Variants in MYO18B observed in about 807,000 individuals in gnomAD.
MYO18B encodes the protein unconventional myosin-XVIIIb.
Under a neutral mutation model 273.0 loss-of-function variants are expected in MYO18B, and 204 were observed. The observed-to-expected ratio is 0.75, with a 90% CI of 0.67 to 0.84. The LOEUF is 0.84. Ranked by LOEUF, MYO18B falls within the 40% of genes least tolerant of loss-of-function variation. The pLI is 0.00. For synonymous variants in MYO18B, 1,330 were observed against 1,305.7 expected (o/e 1.02, Z -0.40); for missense variants, 3,212 against 3,287.6 (o/e 0.98, Z 0.56).
intron 11 of MYO18B, among the ~76,000 whole-genome samples, chr22:25,787,270 GCGCA>G (rs1190541745): frequency 7.0e-5 from 3 of 42,624 alleles, no homozygotes; most frequent in African/African-American, 2.8e-4. Context: ...GTGCAGGCGC[GCGCA>G]CACACACACA....
chr22:25,808,163 A>G (rs2088570647), intron 12 of MYO18B, among the ~76,000 whole-genome samples: 2 of 152,014 alleles, frequency 1.3e-5, no homozygotes, highest in Non-Finnish European at 2.9e-5. Context: ...GATGAACTCT[A>G]TGTCCTCTTT....
chr22:25,886,472 A>G (rs894747876), intron 25 of MYO18B, among the ~76,000 whole-genome samples: 3 of 152,146 alleles, frequency 2.0e-5, no homozygotes, highest in African/African-American at 7.2e-5. Context: ...CCCTGTATCT[A>G]CTGCCTCATT....
In MYO18B at chr22:25,999,427, A is replaced by T. The variant is rs115592384; in HGVS notation, c.6288-3838A>T. On this transcript the variant is annotated intron_variant, in intron 40 of 43. Transcript: ENST00000335473. Reference sequence around the variant, plus strand: ...TGTCTGGCAAAGACTGACCCTAAAGAAGTACAGCTGAAGACATTGAATTAA... The same window carrying T: ...TGTCTGGCAAAGACTGACCCTAAAGTAGTACAGCTGAAGACATTGAATTAA... Among the ~76,000 whole-genome samples the T allele has an allele frequency of 9.8e-3, 1,484 of 152,196 alleles. 26 individuals are homozygous for T. Among genetic ancestry groups the T allele is most frequent in the African/African-American group, 0.034 (1,407 of 41,516 alleles).
In MYO18B at chr22:25,843,822, C is replaced by A. The variant is rs147821283; in HGVS notation, c.3296C>A (p.Thr1099Lys). 1.9e-6 allele frequency: 3 copies of A among 1,613,802 alleles called. No individual in the cohort carries two copies. The highest frequency in any genetic ancestry group is 1.3e-5 in the African/African-American group (1 of 75,062). Residue 1099 changes from threonine to lysine, a missense_variant, in exon 18 of 44, where the codon ACG (threonine) becomes AAG (lysine). Thr to Lys is a moderately conservative substitution (Grantham distance 78). Transcript: ENST00000335473. ...TGGGACCCTGTGCGGTACGACCTCA[C>A]GGGCTGGCTCCACAGAGCCAAGCCC... ...LGWDPVRYDL[T>K]GWLHRAKPNL...
intron 21 of MYO18B, among the ~76,000 whole-genome samples, chr22:25,865,067 T>C (rs1249490298): frequency 6.6e-6 from 1 of 152,266 alleles, no homozygotes; most frequent in Non-Finnish European, 1.5e-5. Context: ...TGGTTCAATC[T>C]AATTGTAACG....
intron 39 of MYO18B, among the ~76,000 whole-genome samples, chr22:25,966,125 T>A (rs2092975218): frequency 6.6e-6 from 1 of 152,172 alleles, no homozygotes. Context: ...GTCACATAAC[T>A]GTCCCCAAAA....
intron 34 of MYO18B, 25 bp downstream of exon 34, chr22:25,921,434 GA>G (rs1569192592): frequency 6.3e-7 from 1 of 1,591,848 alleles, no homozygotes; most frequent in East Asian, 2.3e-5. Flanking sequence ...ATCCCCTTGA[GA>G]ATCAGGCTGG....
Position 25,761,379 on chromosome 22 carries a change from AGGT to A in MYO18B, c.39+266_39+268del. ...GCTGCCTGGTTGTTTCCTGTTCCAC[AGGT>A]GGTGGTGGTGGTGGTGGGGGGTGGT... is the stretch of plus-strand genomic sequence containing the variant. On this transcript the variant is annotated intron_variant, in intron 2 of 43. Coordinates refer to ENST00000335473, the MANE Select transcript of MYO18B (RefSeq NM_032608.7). Among the ~76,000 whole-genome samples, 36,353 of 151,320 alleles carry A rather than the reference AGGT, an allele frequency of 0.24. 4,614 individuals are homozygous for A. The highest frequency in any genetic ancestry group is 0.33 in the African/African-American group (13,694 of 41,208).
In MYO18B at chr22:25,799,823, G is replaced by A. The variant is rs145925456; in HGVS notation, c.2521+1726G>A. On this transcript the variant is annotated intron_variant, in intron 12 of 43. Coordinates refer to ENST00000335473, the MANE Select transcript of MYO18B (RefSeq NM_032608.7). ...GATTCAACAGTTGATCCAAGCCAAG[G>A]ACAGACATGCTGGGCTGGGGCAAAT... 2.8e-3 allele frequency among the ~76,000 whole-genome samples: 421 copies of A among 152,302 alleles called. 1 individual carries two copies. Among genetic ancestry groups the A allele is most frequent in the Non-Finnish European group, 4.0e-3 (270 of 68,034 alleles).
chr22:25,750,209 A>G (rs2085893741), intron 1 of MYO18B, among the ~76,000 whole-genome samples: 1 of 152,164 alleles, frequency 6.6e-6, no homozygotes, highest in African/African-American at 2.4e-5. Flanking sequence ...GAGAGTGGAG[A>G]GAACAGCCTG....
At chr22:25,872,603 CAGAT>C (rs1358434374) in intron 22 of MYO18B, among the ~76,000 whole-genome samples, 1 of 151,998 alleles carries the variant, frequency 6.6e-6, no homozygotes, top group African/African-American at 2.4e-5. Context: ...TGTCTGAAGT[CAGAT>C]AGAGGAAAAT....
At chr22:26,004,967 G>A in intron 42 of MYO18B, 112 bp downstream of exon 42, 3 of 1,384,770 alleles carry the variant, frequency 2.2e-6, no homozygotes, top group Non-Finnish European at 3.0e-6. Context: ...AAACAAGCAT[G>A]GTCCTGAAAG....
At position 25,769,300 on chromosome 22, in the gene MYO18B, G is replaced by C. The variant is rs369855142; in HGVS notation, c.1384G>C (p.Glu462Gln). ...TGATGGGGCTGGTGCCCTGGAGACA[G>C]AGCTGGAAGGACCCAGCCAGCCTGC... ...AGDGAGALETELEGPSQPALE... is the reference protein window; with the variant it reads ...AGDGAGALETQLEGPSQPALE... The change falls in exon 4 of 44, where the codon GAG becomes CAG. Residue 462 changes from glutamate to glutamine, a missense_variant. By Grantham distance (29) the Glu-to-Gln change is conservative. Coordinates refer to ENST00000335473, the MANE Select transcript of MYO18B (RefSeq NM_032608.7). 6 of 1,580,772 alleles carry C rather than the reference G, an allele frequency of 3.8e-6. No homozygotes were observed. Among genetic ancestry groups the C allele is most frequent in the African/African-American group, 1.3e-5 (1 of 74,226 alleles).
intron 27 of MYO18B, among the ~76,000 whole-genome samples, chr22:25,893,091 T>A (rs1347193704): frequency 6.6e-6 from 1 of 152,222 alleles, no homozygotes; most frequent in East Asian, 1.9e-4. Context: ...AAGTAATACA[T>A]ACTCATTATA....
intron 34 of MYO18B, among the ~76,000 whole-genome samples, chr22:25,931,681 C>CTTTTTTTTT (rs71311530): frequency 8.9e-5 from 11 of 123,514 alleles, no homozygotes; most frequent in South Asian, 2.6e-4. Context: ...TTTCTTTTTT[C>CTTTTTTTTT]TTTTTTTTTT....
At chr22:25,808,148 T>TCAAGGATGAA (rs1418154536) in intron 12 of MYO18B, among the ~76,000 whole-genome samples, 1 of 151,996 alleles carries the variant, frequency 6.6e-6, no homozygotes, top group Non-Finnish European at 1.5e-5. Flanking sequence ...GAAGAGTAAA[T>TCAAGGATGAA]CAAGGATGAA....
rs768173204 is a variant in MYO18B, at chr22:25,961,762, C to A, written c.6156+6398C>A. On this transcript the variant is annotated intron_variant, in intron 39 of 43. Coordinates refer to ENST00000335473, the MANE Select transcript of MYO18B (RefSeq NM_032608.7). ...GATGCACCTGTTTCAGAGGCTGCAC[C>A]TGTTGGGTTTTACCTGTTGGGACCT... Among the ~76,000 whole-genome samples the A allele has an allele frequency of 3.5e-4, 54 of 152,178 alleles. 1 individual carries two copies. The highest frequency in any genetic ancestry group is 6.8e-4 in the Non-Finnish European group (46 of 68,018).
intron 1 of MYO18B, among the ~76,000 whole-genome samples, chr22:25,752,737 C>T (rs183817374): frequency 0.01 from 1,572 of 152,336 alleles, 32 homozygotes; most frequent in South Asian, 0.034. Context: ...GTGCCTCCTC[C>T]GCCTCGGCGT....
chr22:26,049,097 A>G, the MYO18B span, among the ~76,000 whole-genome samples: 1 of 152,204 alleles, frequency 6.6e-6, no homozygotes, highest in South Asian at 2.1e-4. Context: ...TGAAAAAAAA[A>G]GAATGTAGGA....
Sources: allele counts gnomAD v4.1 joint callset (sites outside exome capture counted in the v4.1 genomes callset), GRCh38; gene constraint gnomAD v4.1.1; transcripts MANE v1.5; gene names NCBI Gene and HGNC (gene_info 2026-07-23, HGNC 2026-07-21).